The following OLFML2A variants were observed in gnomAD, a reference collection of about 807,000 sequenced individuals.
OLFML2A encodes the protein olfactomedin like 2A.
A neutral mutation model predicts 60.9 loss-of-function variants in OLFML2A; 47 were observed. The observed-to-expected ratio is 0.77, with a 90% confidence interval of 0.61 to 0.98. The LOEUF (loss-of-function observed/expected upper bound fraction) is 0.98, where lower values mean the gene tolerates loss of function less well. Among genes scored for constraint, OLFML2A ranks in the 50% least tolerant of loss-of-function variants. OLFML2A has a pLI of 0.00. For missense variants in OLFML2A, 922 were observed against 879.8 expected, an observed-to-expected ratio of 1.05 and a Z score of -0.61; for synonymous variants, 372 against 375.0, an observed-to-expected ratio of 0.99 and a Z score of 0.09.
chr9:124,780,725 C>T (rs1297502563), intron 1 of OLFML2A, among the ~76,000 whole-genome samples: 2 of 152,244 alleles, frequency 1.3e-5, no homozygotes, highest in Non-Finnish European at 2.9e-5. Context: ...GGGGCAGAGC[C>T]TTGAGGAGCA....
rs532577227 is a variant in OLFML2A, at chr9:124,777,478, G to A, written c.90+118G>A. ...CCAGGGCGGAGGAGCCGGGAGCTGAGAGACCGAACCTGGGACTTCTCAGCA... is the reference window on the plus strand; with the variant it reads ...CCAGGGCGGAGGAGCCGGGAGCTGAAAGACCGAACCTGGGACTTCTCAGCA... On this transcript the variant is annotated intron_variant, in intron 1 of 7. Transcript: ENST00000373580. The surrounding 1 kb of genome is among the most constrained non-coding windows in gnomAD (Gnocchi z 6.2). 5 of 1,076,730 alleles carry A rather than the reference G, an allele frequency of 4.6e-6. No individual in the cohort carries two copies. The South Asian group carries it at 1.9e-4, about 41-fold the overall frequency. 66.7% of individuals were successfully genotyped at this position (1,076,730 alleles called of 1,614,324 possible).
At chr9:124,781,399 CA>C (rs1465552960) in intron 1 of OLFML2A, among the ~76,000 whole-genome samples, 14 of 152,108 alleles carry the variant, frequency 9.2e-5, no homozygotes, top group Admixed American at 9.2e-4. Flanking sequence ...TCTGGGCAGC[CA>C]GGGGGAGGTG....
intron 2 of OLFML2A, among the ~76,000 whole-genome samples, chr9:124,788,700 G>C (rs1205609246): frequency 6.6e-6 from 1 of 152,124 alleles, no homozygotes; most frequent in African/African-American, 2.4e-5. Context: ...CCAGACTAGG[G>C]CCCCCCACCA....
At position 124,807,736 on chromosome 9, in the gene OLFML2A, G is replaced by A. The variant is rs185763124; in HGVS notation, c.1169-45G>A. 3.8e-5 allele frequency: 58 copies of A among 1,509,768 alleles called. No homozygotes were observed. The East Asian group carries it at 7.4e-4, about 19-fold the overall frequency. 93.5% of individuals were successfully genotyped at this position (1,509,768 alleles called of 1,614,324 possible). A position where few individuals can be genotyped will look rare whatever the true frequency, so the allele number is the denominator to read the frequency against. On this transcript the variant is annotated intron_variant, in intron 6 of 7. Coordinates refer to ENST00000373580, the MANE Select transcript of OLFML2A (RefSeq NM_182487.4). ...CCCAGCCCGTTGCTCTGGCTGGGGG[G>A]CTTGGGGGTCTGTGTACCGATGCTG...
chr9:124,807,754 C>A (rs375246437), intron 6 of OLFML2A, 27 bp from the exon 7 acceptor site: 13 of 1,587,056 alleles, frequency 8.2e-6, no homozygotes, highest in Non-Finnish European at 1.1e-5. Context: ...GTCTGTGTAC[C>A]GATGCTGCCT....
chr9:124,781,068 G>C (rs1052471205), intron 1 of OLFML2A, among the ~76,000 whole-genome samples: 1 of 152,192 alleles, frequency 6.6e-6, no homozygotes, highest in African/African-American at 2.4e-5. Flanking sequence ...GGAGGGAGTA[G>C]GGATCCATGG....
At chr9:124,787,484 G>C (rs1841497543) in intron 2 of OLFML2A, among the ~76,000 whole-genome samples, 1 of 150,720 alleles carries the variant, frequency 6.6e-6, no homozygotes, top group African/African-American at 2.5e-5. Flanking sequence ...TCATCCATTG[G>C]CACCTAGCTA....
chr9:124,781,988 G>A (rs1449321369), intron 1 of OLFML2A, among the ~76,000 whole-genome samples: 1 of 152,174 alleles, frequency 6.6e-6, no homozygotes, highest in Non-Finnish European at 1.5e-5. Context: ...CTAGTTCTGG[G>A]GGCTTTGGCA....
chr9:124,798,146 G>A (rs761520549), intron 3 of OLFML2A, among the ~76,000 whole-genome samples: 1 of 152,240 alleles, frequency 6.6e-6, no homozygotes, highest in Non-Finnish European at 1.5e-5. Flanking sequence ...AGATATTTAT[G>A]TATTATGTAT....
intron 1 of OLFML2A, among the ~76,000 whole-genome samples, chr9:124,786,493 G>C (rs1433694584): frequency 1.3e-5 from 2 of 151,892 alleles, no homozygotes. Context: ...GGCCGAGGCG[G>C]GCGGATCACA....
At chr9:124,801,194 C>A in intron 4 of OLFML2A, 2 of 946,676 alleles carry the variant, frequency 2.1e-6, no homozygotes, top group South Asian at 1.7e-5. Context: ...GGACTTCAAG[C>A]CTGCAAGGGA....
At chr9:124,805,808 G>GTTTT (rs59555267) in intron 6 of OLFML2A, among the ~76,000 whole-genome samples, 89 of 71,270 alleles carry the variant, frequency 1.2e-3, no homozygotes, top group African/African-American at 1.8e-3. Flanking sequence ...GGTTTTTTTG[G>GTTTT]TTTTTTTTTT....
In OLFML2A at chr9:124,804,342, G is replaced by A. The variant is rs772238251; in HGVS notation, c.1168G>A (p.Gly390Ser). Residue 390 changes from glycine (G) to serine (S), a missense_variant and splice_region_variant, in exon 6 of 8, where the codon GGC becomes AGC. Transcript: ENST00000373580. Reference sequence around the variant, plus strand: ...TTCAGGTCCAGAAGTCTCCAGCCAAGGTGAGTGAGCCTCACAGGAGTCAGC... The same window carrying A: ...TTCAGGTCCAGAAGTCTCCAGCCAAAGTGAGTGAGCCTCACAGGAGTCAGC... ...PPSGPEVSSQGREASCEGTLR... is the reference protein window; with the variant it reads ...PPSGPEVSSQSREASCEGTLR... 443 of 1,496,058 alleles carry A rather than the reference G, an allele frequency of 3.0e-4. No homozygotes were observed. Among genetic ancestry groups the A allele is most frequent in the Non-Finnish European group, 3.8e-4 (423 of 1,117,068 alleles). 92.7% of individuals were successfully genotyped at this position (1,496,058 alleles called of 1,614,324 possible).
chr9:124,784,943 G>GTGTTTTTTTT (rs1841429399), intron 1 of OLFML2A, among the ~76,000 whole-genome samples: 1 of 69,542 alleles, frequency 1.4e-5, no homozygotes, highest in African/African-American at 6.5e-5. Flanking sequence ...CCTTTTACTT[G>GTGTTTTTTTT]TTTTTTTTTT....
At chr9:124,797,066 A>G (rs1481406426) in intron 3 of OLFML2A, among the ~76,000 whole-genome samples, 1 of 152,020 alleles carries the variant, frequency 6.6e-6, no homozygotes, top group African/African-American at 2.4e-5. Flanking sequence ...TGCAGCCTCA[A>G]TCCCCCAGGA....
chr9:124,798,504 T>C (rs1158248395), intron 3 of OLFML2A, among the ~76,000 whole-genome samples: 1 of 150,556 alleles, frequency 6.6e-6, no homozygotes, highest in Non-Finnish European at 1.5e-5. Flanking sequence ...GGCAACAGAG[T>C]GAGACTCTGT....
At chr9:124,781,210 A>G (rs529299855) in intron 1 of OLFML2A, among the ~76,000 whole-genome samples, 1 of 152,300 alleles carries the variant, frequency 6.6e-6, no homozygotes, top group Non-Finnish European at 1.5e-5. Context: ...TGTGGAGTGG[A>G]GAGCAGGGGA....
rs766110056 is a variant in OLFML2A, at chr9:124,801,549, G to T, written c.805G>T (p.Gly269Cys). 1.3e-5 allele frequency: 21 copies of T among 1,613,990 alleles called. No individual in the cohort carries two copies. In the African/African-American group the frequency reaches 2.5e-4, roughly 19 times the overall value. Reference sequence around the variant, plus strand: ...GAAGCTGAGAAAGGAGAGCGGCAAGGGCAGTTTCCTCCAGCCCACAGCCAA... The same window carrying T: ...GAAGCTGAGAAAGGAGAGCGGCAAGTGCAGTTTCCTCCAGCCCACAGCCAA... ...VEKLRKESGK[G>C]SFLQPTAKPR... Residue 269 changes from glycine to cysteine, a missense_variant, in exon 5 of 8, where the codon GGC becomes TGC. Physicochemically the swap from Gly to Cys is radical, Grantham distance 159. Transcript: ENST00000373580.
At chr9:124,807,990 A>G in intron 7 of OLFML2A, 24 bp downstream of exon 7, 1 of 1,603,392 alleles carries the variant, frequency 6.2e-7, no homozygotes, top group Non-Finnish European at 8.5e-7. Flanking sequence ...GGAGGTGGAG[A>G]GGGGGCTGGG....
Sources: gnomAD v4.1 joint callset for allele counts (sites outside exome capture counted in the v4.1 genomes callset) on GRCh38, gnomAD v4.1.1 for gene constraint, Gnocchi (gnomAD v3.1) non-coding constraint, MANE v1.5 for transcripts, NCBI Gene and HGNC (gene_info 2026-07-23, HGNC 2026-07-21) for gene names.